The following CABCOCO1 variants were observed in gnomAD, a reference collection of about 807,000 sequenced individuals.
The protein encoded by CABCOCO1 is ciliary-associated calcium-binding coiled-coil protein 1.
In CABCOCO1, 28 loss-of-function variants were observed where a neutral mutation model predicts 35.7. The ratio of observed to expected loss-of-function variants is 0.78; its 90% CI spans 0.58 to 1.07. CABCOCO1 has a LOEUF of 1.07. Among genes scored for constraint, CABCOCO1 ranks in the 50% least tolerant of loss-of-function variants. The probability of loss-of-function intolerance (pLI) is 0.00; values close to 1 mark genes in which losing one functional copy is unlikely to be tolerated. For missense variants in CABCOCO1, 326 were observed against 309.2 expected (o/e 1.05, Z -0.41); for synonymous variants, 95 against 100.1 (o/e 0.95, Z 0.30).
At chr10:61,680,081 C>T (rs760434168) in intron 2 of CABCOCO1, among the ~76,000 whole-genome samples, 6 of 151,724 alleles carry the variant, frequency 4.0e-5, no homozygotes, top group Non-Finnish European at 7.4e-5. Flanking sequence ...GAGGCCAAGG[C>T]GGGCAGATCA....
At chr10:61,758,972 G>T (rs1841953203) in intron 5 of CABCOCO1, among the ~76,000 whole-genome samples, 1 of 151,916 alleles carries the variant, frequency 6.6e-6, no homozygotes, top group Admixed American at 6.6e-5. Flanking sequence ...AAATATTGTA[G>T]AGACATTAAA....
chr10:61,764,590 T>C (rs565624684), intron 7 of CABCOCO1, among the ~76,000 whole-genome samples: 6 of 152,184 alleles, frequency 3.9e-5, no homozygotes, highest in African/African-American at 1.2e-4. Flanking sequence ...TCAGTGCTTC[T>C]TTCGACCCTA....
chr10:61,741,388 C>T (rs1841546397), intron 5 of CABCOCO1, among the ~76,000 whole-genome samples: 1 of 152,084 alleles, frequency 6.6e-6, no homozygotes, highest in Non-Finnish European at 1.5e-5. Flanking sequence ...ATATGCCTTT[C>T]CAAGGAGGGC....
At chr10:61,667,603 T>A (rs1839229870) in intron 1 of CABCOCO1, among the ~76,000 whole-genome samples, 1 of 151,878 alleles carries the variant, frequency 6.6e-6, no homozygotes, top group African/African-American at 2.4e-5. Flanking sequence ...TTTATATAGA[T>A]ACTATACCTT....
At chr10:61,678,959 G>A (rs988626795) in intron 2 of CABCOCO1, among the ~76,000 whole-genome samples, 7 of 152,008 alleles carry the variant, frequency 4.6e-5, no homozygotes, top group Admixed American at 2.6e-4. Flanking sequence ...GACCTATCTC[G>A]ACCTCAGCTT....
intron 3 of CABCOCO1, among the ~76,000 whole-genome samples, chr10:61,682,858 A>G (rs866271207): frequency 5.5e-4 from 83 of 149,946 alleles, no homozygotes; most frequent in Middle Eastern, 3.5e-3. Flanking sequence ...TACACATGTA[A>G]TAGTACCAGG....
intron 5 of CABCOCO1, among the ~76,000 whole-genome samples, chr10:61,740,109 G>A (rs944214397): frequency 6.6e-6 from 1 of 152,188 alleles, no homozygotes; most frequent in African/African-American, 2.4e-5. Flanking sequence ...TAATAATAAT[G>A]AGATGTGAAT....
At chr10:61,688,480 G>C (rs1840032617) in intron 4 of CABCOCO1, among the ~76,000 whole-genome samples, 2 of 152,060 alleles carry the variant, frequency 1.3e-5, no homozygotes, top group Non-Finnish European at 2.9e-5. Flanking sequence ...TGTAAGTACT[G>C]GCAAATCTAG....
In CABCOCO1 at chr10:61,766,565, C is replaced by T. The variant is rs938620737; in HGVS notation, c.*552C>T. 6.6e-6 allele frequency: 1 copy of T among 150,844 alleles called. No homozygotes were observed. The highest frequency in any genetic ancestry group is 1.5e-5 in the Non-Finnish European group (1 of 67,918). 9.3% of individuals were successfully genotyped at this position (150,844 alleles called of 1,614,324 possible). ...CTTATTTAAACGTTTCAGTGTGAAA[C>T]CAATTTTCTGAAATTATATAATGCA... On this transcript the variant is annotated 3_prime_UTR_variant, in exon 8 of 8. Transcript: ENST00000648843.
At chr10:61,728,949 A>G (rs1324358013) in intron 5 of CABCOCO1, among the ~76,000 whole-genome samples, 3 of 152,156 alleles carry the variant, frequency 2.0e-5, no homozygotes, top group African/African-American at 7.2e-5. Context: ...CAGCTTTGAA[A>G]TATGGTTACA....
intron 7 of CABCOCO1, among the ~76,000 whole-genome samples, chr10:61,763,792 A>T (rs1411654263): frequency 1.4e-5 from 2 of 145,504 alleles, no homozygotes; most frequent in African/African-American, 5.0e-5. Flanking sequence ...TTTTTCCTTA[A>T]AAAAAAAAAA....
intron 2 of CABCOCO1, 98 bp from the exon 3 acceptor site, chr10:61,681,045 A>G (rs1234545239): frequency 1.9e-5 from 12 of 646,472 alleles, no homozygotes; most frequent in Non-Finnish European, 2.7e-5. Context: ...TTTTCAGATT[A>G]TGGGCATTAA....
At chr10:61,678,134 T>C (rs61850467) in intron 2 of CABCOCO1, among the ~76,000 whole-genome samples, 19,774 of 152,188 alleles carry the variant, frequency 0.13, 1,397 homozygotes, top group Middle Eastern at 0.21. Flanking sequence ...AGCACCATTT[T>C]TGAAGAATTT....
chr10:61,696,444 A>AT (rs1840298242), intron 5 of CABCOCO1, among the ~76,000 whole-genome samples: 1 of 152,080 alleles, frequency 6.6e-6, no homozygotes, highest in Admixed American at 6.6e-5. Flanking sequence ...TGTGAATAAA[A>AT]TTTTTTAAGT....
intron 1 of CABCOCO1, among the ~76,000 whole-genome samples, chr10:61,666,370 T>C (rs925115955): frequency 6.6e-6 from 1 of 152,214 alleles, no homozygotes; most frequent in African/African-American, 2.4e-5. Flanking sequence ...GATCAACCTA[T>C]GCAGGCTATG....
chr10:61,754,652 A>G (rs1841860144), intron 5 of CABCOCO1, among the ~76,000 whole-genome samples: 1 of 152,154 alleles, frequency 6.6e-6, no homozygotes, highest in African/African-American at 2.4e-5. Context: ...AATGGGCACA[A>G]GGTGTTAACT....
chr10:61,681,307 T>C lies in CABCOCO1; in HGVS notation c.329T>C (p.Leu110Pro). The C allele has an allele frequency of 6.5e-7, 1 of 1,541,194 alleles. No homozygotes were observed. The highest frequency in any genetic ancestry group is 8.9e-7 in the Non-Finnish European group (1 of 1,126,668). ...TTACTAGCTATGTCACTTCAAAATC[T>C]TAAAAGTAAGTACACTATTTTCCTT... ...MTLLAMSLQN[L>P]KTLHMSLEES... The change falls in exon 3 of 8, where the codon CTT becomes CCT. Residue 110 changes from leucine (L) to proline (P), a missense_variant. Coordinates refer to ENST00000648843, the MANE Select transcript of CABCOCO1 (RefSeq NM_001366906.2).
chr10:61,667,272 T>G (rs1263483613), intron 1 of CABCOCO1, among the ~76,000 whole-genome samples: 1 of 149,888 alleles, frequency 6.7e-6, no homozygotes, highest in Non-Finnish European at 1.5e-5. Flanking sequence ...CACATATTTA[T>G]CTCTACAAAA....
Position 61,681,159 on chromosome 10 carries a change from T to C in CABCOCO1, c.181T>C (p.Leu61=). ...DGVQEKLRIF[L]NFKNLETCLK... ...ATTTTACAGAAAACTGAGAATATTT[T>C]TGAATTTCAAAAACCTTGAAACTTG... Residue 61 remains leucine (L), a synonymous_variant, in exon 3 of 8, where the codon TTG becomes CTG. Coordinates refer to ENST00000648843, the MANE Select transcript of CABCOCO1 (RefSeq NM_001366906.2). The C allele has an allele frequency of 6.8e-7, 1 of 1,462,234 alleles. No homozygotes were observed. 90.6% of individuals were successfully genotyped at this position (1,462,234 alleles called of 1,614,324 possible). A position where few individuals can be genotyped will look rare whatever the true frequency, so the allele number is the denominator to read the frequency against.
Sources: allele counts gnomAD v4.1 joint callset (sites outside exome capture counted in the v4.1 genomes callset), GRCh38; gene constraint gnomAD v4.1.1; transcripts MANE v1.5; gene names NCBI Gene and HGNC (gene_info 2026-07-23, HGNC 2026-07-21).